EYA2: variants seen among roughly 807,000 people sequenced by gnomAD.
EYA2 encodes EYA transcriptional coactivator and phosphatase 2, also known as protein phosphatase EYA2.
EYA2 carries 31 observed loss-of-function variants against 69.2 expected under a neutral mutation model. The observed-to-expected ratio is 0.45, with a 90% CI of 0.34 to 0.60. The LOEUF is 0.60. Among genes scored for constraint, EYA2 ranks in the 20% least tolerant of loss-of-function variants. EYA2 has a pLI of 0.02. For synonymous variants in EYA2, 257 were observed against 279.4 expected (o/e 0.92, Z 0.80); for missense variants, 622 against 701.2 (o/e 0.89, Z 1.28).
intron 5 of EYA2, among the ~76,000 whole-genome samples, chr20:47,036,613 G>C (rs1568737667): frequency 6.6e-6 from 1 of 152,194 alleles, no homozygotes; most frequent in Non-Finnish European, 1.5e-5. Context: ...ATGCATATAA[G>C]AGCATGTATT....
At chr20:47,178,692 A>G (rs1600774712) in intron 12 of EYA2, among the ~76,000 whole-genome samples, 3 of 151,864 alleles carry the variant, frequency 2.0e-5, no homozygotes, top group African/African-American at 7.2e-5. Flanking sequence ...CTGTGCATTC[A>G]GTGCCTATTA....
In EYA2 at chr20:47,004,934, C is replaced by T. The variant is rs960227192; in HGVS notation, c.156-8C>T. ...CCTGGAGATTTAATCTTCCCTCTTTCCACACAGATCTTGCCCACGTGTCCT... is the reference window on the plus strand; with the variant it reads ...CCTGGAGATTTAATCTTCCCTCTTTTCACACAGATCTTGCCCACGTGTCCT... On this transcript the variant is annotated splice_polypyrimidine_tract_variant and splice_region_variant and intron_variant, in intron 3 of 15. Coordinates refer to ENST00000327619, the MANE Select transcript of EYA2 (RefSeq NM_005244.5). 2 of 1,614,008 alleles carry T rather than the reference C, an allele frequency of 1.2e-6. No individual in the cohort carries two copies. The highest frequency in any genetic ancestry group is 2.7e-5 in the African/African-American group (2 of 75,038).
intron 1 of EYA2, among the ~76,000 whole-genome samples, chr20:46,910,846 A>G (rs547380798): frequency 6.6e-6 from 1 of 152,294 alleles, no homozygotes; most frequent in Non-Finnish European, 1.5e-5. Context: ...AAAAATGTAG[A>G]TTGCTGGCTC....
chr20:46,974,245 T>C (rs1177707084), intron 1 of EYA2, among the ~76,000 whole-genome samples: 4 of 152,216 alleles, frequency 2.6e-5, no homozygotes, highest in Non-Finnish European at 5.9e-5. Context: ...CAGAGCTTCA[T>C]GGGGGCACAA....
chr20:46,987,268 C>T (rs989548426), intron 1 of EYA2, among the ~76,000 whole-genome samples: 2 of 152,170 alleles, frequency 1.3e-5, no homozygotes, highest in Admixed American at 6.5e-5. Flanking sequence ...TACCTATGGA[C>T]ACTGAAATAT....
At chr20:47,146,274 C>A (rs1297323493) in intron 10 of EYA2, among the ~76,000 whole-genome samples, 1 of 152,174 alleles carries the variant, frequency 6.6e-6, no homozygotes, top group African/African-American at 2.4e-5. Flanking sequence ...TGAGTTTGAA[C>A]CTCCACTGCA....
At chr20:47,130,263 T>TTTTTTA (rs2033307524) in intron 9 of EYA2, among the ~76,000 whole-genome samples, 1 of 112,318 alleles carries the variant, frequency 8.9e-6, no homozygotes, top group Non-Finnish European at 1.8e-5. Flanking sequence ...TTTATTTTCT[T>TTTTTTA]TTTTTTTTTT....
chr20:46,910,727 C>T (rs1459780622), intron 1 of EYA2, among the ~76,000 whole-genome samples: 8 of 152,144 alleles, frequency 5.3e-5, no homozygotes, highest in African/African-American at 1.9e-4. Flanking sequence ...GCAGTAACAT[C>T]GGGTACACAC....
intron 7 of EYA2, 120 bp from the exon 8 acceptor site, chr20:47,089,119 G>C: frequency 8.5e-7 from 1 of 1,172,830 alleles, no homozygotes; most frequent in Admixed American, 2.3e-5. Context: ...CGAGATCTTT[G>C]CCTCTGGTGC....
Position 47,089,396 on chromosome 20 carries a change from C to A in EYA2, c.804+15C>A. 1 of 1,606,510 alleles carries A rather than the reference C, an allele frequency of 6.2e-7. No homozygotes were observed. The highest frequency in any genetic ancestry group is 1.1e-5 in the South Asian group (1 of 90,202). ...ATGAGATTGAGGTAATCCAAAGGGG[C>A]TCTGTGTGACCTGGTGAATGTAATC... On this transcript the variant is annotated intron_variant, in intron 8 of 15. Coordinates refer to ENST00000327619, the MANE Select transcript of EYA2 (RefSeq NM_005244.5).
intron 10 of EYA2, among the ~76,000 whole-genome samples, chr20:47,156,845 G>A (rs2033961717): frequency 6.6e-6 from 1 of 151,930 alleles, no homozygotes; most frequent in Admixed American, 6.5e-5. Flanking sequence ...GGAGCAGCCA[G>A]GAAGTTCATC....
intron 5 of EYA2, among the ~76,000 whole-genome samples, chr20:47,060,067 A>G (rs1017098168): frequency 6.6e-6 from 1 of 152,206 alleles, no homozygotes; most frequent in South Asian, 2.1e-4. Context: ...GAGATTTTAC[A>G]TACAAATCCA....
intron 1 of EYA2, among the ~76,000 whole-genome samples, chr20:46,988,223 T>G (rs1600613686): frequency 2.2e-5 from 3 of 137,364 alleles, no homozygotes; most frequent in Admixed American, 1.5e-4. Flanking sequence ...CGGGGGTGGG[T>G]CCTGGAAACA....
At chr20:46,995,093 G>A (rs1206792) in intron 2 of EYA2, among the ~76,000 whole-genome samples, 92,329 of 151,794 alleles carry the variant, frequency 0.61, 28,636 homozygotes, top group Non-Finnish European at 0.68. Flanking sequence ...TAGAGGCAGG[G>A]TTTCACCATG....
At chr20:46,925,252 T>A (rs1319798613) in intron 1 of EYA2, among the ~76,000 whole-genome samples, 1 of 152,210 alleles carries the variant, frequency 6.6e-6, no homozygotes, top group East Asian at 1.9e-4. Flanking sequence ...CTTTAATATG[T>A]CCTTTGGCGG....
At chr20:47,005,321 G>A (rs1982640734) in intron 4 of EYA2, among the ~76,000 whole-genome samples, 2 of 152,192 alleles carry the variant, frequency 1.3e-5, no homozygotes, top group African/African-American at 4.8e-5. Flanking sequence ...AGGGAAAATT[G>A]GGACTGAATG....
intron 1 of EYA2, among the ~76,000 whole-genome samples, chr20:46,928,575 T>G (rs188388882): frequency 6.6e-6 from 1 of 152,188 alleles, no homozygotes; most frequent in Non-Finnish European, 1.5e-5. Flanking sequence ...AAACAGAAGT[T>G]GAAGCCAAGT....
chr20:47,020,141 A>G (rs1983661667), intron 5 of EYA2, among the ~76,000 whole-genome samples: 1 of 81,832 alleles, frequency 1.2e-5, no homozygotes, highest in African/African-American at 4.4e-5. Context: ...TCTCAAAAAA[A>G]GAAAAAATAT....
At chr20:47,066,134 G>T (rs983747124) in intron 5 of EYA2, among the ~76,000 whole-genome samples, 1 of 152,152 alleles carries the variant, frequency 6.6e-6, no homozygotes, top group Non-Finnish European at 1.5e-5. Context: ...GAGCCCAGGA[G>T]TTCAACACCA....
Sources: allele counts gnomAD v4.1 joint callset (sites outside exome capture counted in the v4.1 genomes callset), GRCh38; gene constraint gnomAD v4.1.1; transcripts MANE v1.5; gene names NCBI Gene and HGNC (gene_info 2026-07-23, HGNC 2026-07-21).